The following VRTN variants were observed in gnomAD, a reference collection of about 807,000 sequenced individuals.
VRTN encodes vertebrae development associated.
VRTN carries 5 observed loss-of-function variants against 18.2 expected under a neutral mutation model. The observed-to-expected ratio is 0.27, with a 90% CI of 0.14 to 0.58. VRTN has a LOEUF of 0.58. VRTN is among the 20% of genes least tolerant of loss of function. VRTN has a pLI of 0.91. For missense variants in VRTN, 741 were observed against 939.4 expected (o/e 0.79, Z 2.76); for synonymous variants, 381 against 393.7 (o/e 0.97, Z 0.38).
At chr14:74,303,667 AC>A (rs1317781579) in intron 1 of VRTN, among the ~76,000 whole-genome samples, 1 of 152,086 alleles carries the variant, frequency 6.6e-6, no homozygotes, top group Non-Finnish European at 1.5e-5. Flanking sequence ...CTCAAAAAAA[AC>A]CCAAACAGCA....
chr14:74,344,749 G>GAAAAAAAAAAAAAAAAAAAAA (rs1323636061), upstream of VRTN, among the ~76,000 whole-genome samples: 1 of 31,454 alleles, frequency 3.2e-5, no homozygotes, highest in African/African-American at 1.8e-4. Context: ...AAAAAAAAAT[G>GAAAAAAAAAAAAAAAAAAAAA]AAAAAAAGAA....
intron 1 of VRTN, among the ~76,000 whole-genome samples, chr14:74,355,704 T>A (rs1055228843): frequency 1.3e-5 from 2 of 150,496 alleles, no homozygotes; most frequent in African/African-American, 2.4e-5. Flanking sequence ...CTGGCTAACT[T>A]TTTTTTTTGT....
intron 1 of VRTN, among the ~76,000 whole-genome samples, chr14:74,349,554 A>G (rs1011049702): frequency 2.0e-5 from 3 of 152,200 alleles, no homozygotes; most frequent in Admixed American, 6.5e-5. Flanking sequence ...CATGGGATCC[A>G]TGGTAAGCTA....
chr14:74,320,563 CTTTTTTTTTTTTTTTTTTTTT>C (rs35884901), intron 1 of VRTN, among the ~76,000 whole-genome samples: 846 of 44,926 alleles, frequency 0.019, 8 homozygotes, highest in Non-Finnish European at 0.032. Flanking sequence ...CGCCCGGCCT[CTTTTTTTTTTTTTTTTTTTTT>C]TTTTTTTTTT....
At chr14:74,319,137 A>ATTC (rs542058423) in intron 1 of VRTN, among the ~76,000 whole-genome samples, 36 of 152,162 alleles carry the variant, frequency 2.4e-4, no homozygotes, top group South Asian at 1.5e-3. Context: ...GGCTCAAGCG[A>ATTC]TTCTCCTGCC....
intron 1 of VRTN, among the ~76,000 whole-genome samples, chr14:74,320,165 G>A (rs991054671): frequency 6.6e-6 from 1 of 151,316 alleles, no homozygotes; most frequent in African/African-American, 2.4e-5. Flanking sequence ...TGCGAGGATT[G>A]CTTAAGCCTC....
rs559567271 is a variant in VRTN at position 74,305,260 on chromosome 14, A to G, written c.-164+2084A>G. ...GGCAGGAGAATTACTTGAACCCAGG[A>G]GGCGGAGGTTGCATTGAACTGAGAT... On this transcript the variant is annotated intron_variant, in intron 1 of 2. Coordinates refer to the VRTN transcript ENST00000557177. Among the ~76,000 whole-genome samples, 3 of 150,234 alleles carry G rather than the reference A, an allele frequency of 2.0e-5. No homozygotes were observed. The East Asian group carries it at 6.0e-4, about 30-fold the overall frequency.
At chr14:74,329,891 G>A (rs1021813793) in intron 1 of VRTN, among the ~76,000 whole-genome samples, 1 of 97,650 alleles carries the variant, frequency 1.0e-5, no homozygotes, top group Non-Finnish European at 2.1e-5. Context: ...TTTTTTTTTT[G>A]AAACAGAGTC....
intron 1 of VRTN, among the ~76,000 whole-genome samples, chr14:74,354,852 T>C (rs2085713352): frequency 6.6e-6 from 1 of 151,988 alleles, no homozygotes; most frequent in Admixed American, 6.6e-5. Context: ...AAAAATTATA[T>C]TTGTTAGGGC....
rs774981427 is a variant in VRTN, at chr14:74,358,258, C to A, written c.1475C>A (p.Pro492His). The A allele has an allele frequency of 1.2e-6, 2 of 1,611,066 alleles. No individual in the cohort carries two copies. The highest frequency in any genetic ancestry group is 1.7e-6 in the Non-Finnish European group (2 of 1,178,374). The change falls in exon 2 of 2, where the codon CCC (proline) becomes CAC (histidine). Residue 492 changes from proline to histidine, a missense_variant. Physicochemically the swap from Pro to His is moderately conservative, Grantham distance 77. Coordinates refer to ENST00000256362, the MANE Select transcript of VRTN (RefSeq NM_018228.3). The surrounding 1 kb of genome is among the most constrained non-coding windows in gnomAD (Gnocchi z 5.4). ...GAGNATGEDP[P>H]APGELLPLRM... ...GGGAATGCCACAGGTGAGGACCCTC[C>A]CGCCCCCGGGGAGCTCCTGCCACTA...
intron 1 of VRTN, among the ~76,000 whole-genome samples, chr14:74,320,331 G>A (rs1400403199): frequency 3.6e-5 from 5 of 138,050 alleles, no homozygotes; most frequent in African/African-American, 1.1e-4. Context: ...CACAATCTTG[G>A]CTCACTACAA....
chr14:74,317,154 C>G (rs1453063532), intron 1 of VRTN, among the ~76,000 whole-genome samples: 1 of 152,078 alleles, frequency 6.6e-6, no homozygotes, highest in Non-Finnish European at 1.5e-5. Flanking sequence ...AAAGGATCAC[C>G]CTGGATGCTG....
In VRTN at chr14:74,331,544, TTATATATATATATATATATA is replaced by T. The variant is rs1169929236; in HGVS notation, c.-163-6152_-163-6133del. ...AACTCCATCTCAAAAAAAAAAAATT[TTATATATATATATATATATA>T]TATATATATATATATATATATATAT... is the stretch of plus-strand genomic sequence containing the variant. On this transcript the variant is annotated intron_variant, in intron 1 of 2. Transcript: ENST00000557177. Among the ~76,000 whole-genome samples the T allele has an allele frequency of 4.6e-3, 201 of 43,492 alleles. 7 individuals carry two copies. Among genetic ancestry groups the T allele is most frequent in the Middle Eastern group, 0.017 (1 of 58 alleles). The allele number at this position is 43,492 out of a possible 152,430, so 28.5% of individuals were successfully genotyped here. A position where few individuals can be genotyped will look rare whatever the true frequency, so the allele number is the denominator to read the frequency against.
chr14:74,348,862 C>A (rs2085663032), intron 1 of VRTN, among the ~76,000 whole-genome samples: 1 of 146,574 alleles, frequency 6.8e-6, no homozygotes, highest in South Asian at 2.2e-4. Context: ...TCCCCACCCC[C>A]ACCTCCACCT....
intron 1 of VRTN, among the ~76,000 whole-genome samples, chr14:74,356,079 A>T (rs1173068273): frequency 6.7e-6 from 1 of 149,872 alleles, no homozygotes; most frequent in Non-Finnish European, 1.5e-5. Flanking sequence ...CAGTCCACCC[A>T]CCTCAGCCTC....
upstream of VRTN, among the ~76,000 whole-genome samples, chr14:74,344,757 G>GTAAAA: frequency 1.3e-5 from 1 of 77,834 alleles, no homozygotes; most frequent in Non-Finnish European, 2.6e-5. Context: ...ATGAAAAAAA[G>GTAAAA]AAAAATGTAA....
At chr14:74,310,199 A>T (rs1193822914) in intron 1 of VRTN, among the ~76,000 whole-genome samples, 1 of 152,016 alleles carries the variant, frequency 6.6e-6, no homozygotes, top group African/African-American at 2.4e-5. Flanking sequence ...GGAGTTCGAG[A>T]CCAGCCTGAC....
chr14:74,305,474 G>GTTGGCTAGCCTGGTCTCAAACTCCTT (rs2085341489), intron 1 of VRTN: 1 of 204,924 alleles, frequency 4.9e-6, no homozygotes, highest in Admixed American at 4.8e-5. Flanking sequence ...CAGCGGTTCT[G>GTTGGCTAGCCTGGTCTCAAACTCCTT]ACAGTGATGT....
upstream of VRTN, among the ~76,000 whole-genome samples, chr14:74,344,246 CAAA>C (rs71115985): frequency 3.1e-5 from 1 of 32,510 alleles, no homozygotes; most frequent in Non-Finnish European, 4.9e-5. Context: ...CTGCTTTCTA[CAAA>C]AAAAAAAAAA....
Sources: gnomAD v4.1 joint callset for allele counts (sites outside exome capture counted in the v4.1 genomes callset) on GRCh38, gnomAD v4.1.1 for gene constraint, Gnocchi (gnomAD v3.1) non-coding constraint, MANE v1.5 for transcripts, NCBI Gene and HGNC (gene_info 2026-07-23, HGNC 2026-07-21) for gene names.